TMEM132D: variants seen among roughly 807,000 people sequenced by gnomAD.
TMEM132D encodes the protein mature OL transmembrane protein.
A neutral mutation model predicts 62.3 loss-of-function variants in TMEM132D; 21 were observed. The ratio of observed to expected loss-of-function variants is 0.34; its 90% CI spans 0.24 to 0.49. The LOEUF (loss-of-function observed/expected upper bound fraction) is 0.49. Ranked by LOEUF, TMEM132D falls within the 20% of genes least tolerant of loss-of-function variation. The probability of loss-of-function intolerance (pLI) is 0.99; values close to 1 mark genes in which losing one functional copy is unlikely to be tolerated. For synonymous variants in TMEM132D, 621 were observed against 575.6 expected (o/e 1.08, Z -1.13); for missense variants, 1,346 against 1,402.8 (o/e 0.96, Z 0.65).
At chr12:129,175,153 C>A (rs1364135065) in intron 5 of TMEM132D, among the ~76,000 whole-genome samples, 1 of 152,130 alleles carries the variant, frequency 6.6e-6, no homozygotes, top group East Asian at 1.9e-4. Flanking sequence ...TTTGTCCATG[C>A]CTATGTCCTG....
intron 4 of TMEM132D, among the ~76,000 whole-genome samples, chr12:129,316,593 T>C (rs117880574): frequency 0.019 from 2,882 of 152,306 alleles, 46 homozygotes; most frequent in Non-Finnish European, 0.029. Flanking sequence ...GAAAGTTCCA[T>C]GCGCTGTTGA....
At chr12:129,706,678 T>C (rs1881514173) in intron 1 of TMEM132D, among the ~76,000 whole-genome samples, 1 of 151,960 alleles carries the variant, frequency 6.6e-6, no homozygotes. Context: ...TCATGGGACC[T>C]TCCCATAAAC....
At chr12:129,723,040 C>T (rs950313140) in intron 1 of TMEM132D, among the ~76,000 whole-genome samples, 72 of 152,084 alleles carry the variant, frequency 4.7e-4, no homozygotes, top group African/African-American at 1.6e-3. Context: ...CTGTGCCCGG[C>T]CGATCCTGGC....
At chr12:129,418,393 A>C (rs1040222005) in intron 3 of TMEM132D, among the ~76,000 whole-genome samples, 3 of 152,236 alleles carry the variant, frequency 2.0e-5, no homozygotes, top group African/African-American at 7.2e-5. Flanking sequence ...AAAAAGGATG[A>C]GTTCATGTCC....
intron 5 of TMEM132D, among the ~76,000 whole-genome samples, chr12:129,096,508 G>A (rs1455608432): frequency 1.3e-5 from 2 of 152,204 alleles, no homozygotes; most frequent in African/African-American, 2.4e-5. Flanking sequence ...TTTGGTGAAA[G>A]TGGCCAGACC....
In TMEM132D at chr12:129,176,089, G is replaced by A. The variant is rs189283339; in HGVS notation, c.1443+33431C>T. Among the ~76,000 whole-genome samples the A allele has an allele frequency of 1.7e-3, 256 of 152,266 alleles. 2 individuals carry two copies. In the Middle Eastern group the frequency reaches 0.034, roughly 20 times the overall value. ...GCCACTGAGGGGGCTTATGTTCAAG[G>A]ACCACGTTGCGTGGAACTAGACATC... On this transcript the variant is annotated intron_variant, in intron 5 of 8. Transcript: ENST00000422113.
At chr12:129,289,547 T>TAAAAAAAAAAAAAAAAAAAA (rs59709658) in intron 4 of TMEM132D, among the ~76,000 whole-genome samples, 9 of 91,938 alleles carry the variant, frequency 9.8e-5, no homozygotes, top group South Asian at 3.5e-4. Context: ...TCCATCTCAA[T>TAAAAAAAAAAAAAAAAAAAA]AAAAAAAAAA....
chr12:129,768,003 T>C (rs1008947428), intron 1 of TMEM132D, among the ~76,000 whole-genome samples: 3 of 152,130 alleles, frequency 2.0e-5, no homozygotes, highest in Non-Finnish European at 4.4e-5. Context: ...CATCAGATCT[T>C]GTAAGACTTA....
chr12:129,559,753 G>A (rs947264990), intron 2 of TMEM132D, among the ~76,000 whole-genome samples: 5 of 152,124 alleles, frequency 3.3e-5, no homozygotes, highest in African/African-American at 9.7e-5. Flanking sequence ...CAACTTGATA[G>A]AATCTTTAAT....
intron 2 of TMEM132D, among the ~76,000 whole-genome samples, chr12:129,573,127 G>A (rs143639335): frequency 9.9e-4 from 151 of 152,296 alleles, no homozygotes; most frequent in African/African-American, 3.3e-3. Context: ...TGACTGCACA[G>A]CCAGGGGCAG....
At chr12:129,720,454 A>G (rs1047747937) in intron 1 of TMEM132D, among the ~76,000 whole-genome samples, 5 of 152,238 alleles carry the variant, frequency 3.3e-5, no homozygotes, top group Non-Finnish European at 7.3e-5. Context: ...AAGTAATGCC[A>G]ACAATTTGCC....
chr12:129,809,049 T>C (rs988687726), intron 1 of TMEM132D, among the ~76,000 whole-genome samples: 1 of 152,184 alleles, frequency 6.6e-6, no homozygotes, highest in South Asian at 2.1e-4. Context: ...GGCTCACGCC[T>C]GTAATCCCAG....
At chr12:129,833,888 G>A (rs959063876) in intron 1 of TMEM132D, among the ~76,000 whole-genome samples, 3 of 152,054 alleles carry the variant, frequency 2.0e-5, no homozygotes, top group Non-Finnish European at 2.9e-5. Flanking sequence ...ATGCCTACAT[G>A]CCTAAAACTA....
chr12:129,183,282 C>T (rs949413960), intron 5 of TMEM132D, among the ~76,000 whole-genome samples: 5 of 152,232 alleles, frequency 3.3e-5, no homozygotes, highest in Admixed American at 1.3e-4. Flanking sequence ...AAGAGTCCTT[C>T]ATGTCACAGG....
intron 5 of TMEM132D, among the ~76,000 whole-genome samples, chr12:129,153,714 C>G (rs1285152635): frequency 6.6e-6 from 1 of 151,984 alleles, no homozygotes; most frequent in Non-Finnish European, 1.5e-5. Context: ...TTTGGGGTGC[C>G]TCCAGCAGTA....
chr12:129,320,168 T>C (rs750818825), intron 4 of TMEM132D, among the ~76,000 whole-genome samples: 5 of 152,166 alleles, frequency 3.3e-5, no homozygotes, highest in Non-Finnish European at 7.4e-5. Flanking sequence ...TCTGCTAAAG[T>C]CTAGTTCAAC....
rs370046232 is a variant in TMEM132D, at chr12:129,171,630, G to T, written c.1443+37890C>A. On this transcript the variant is annotated intron_variant, in intron 5 of 8. Transcript: ENST00000422113. ...CTTTTTGCTTTGTAGGCTGCAGAGT[G>T]GATGTTGTGTTGGCAGGTGTGAAAA... 2.0e-5 allele frequency among the ~76,000 whole-genome samples: 3 copies of T among 152,334 alleles called. No individual in the cohort carries two copies. In the East Asian group the frequency reaches 5.8e-4, roughly 29 times the overall value.
At chr12:129,768,790 C>G (rs1870637650) in intron 1 of TMEM132D, among the ~76,000 whole-genome samples, 2 of 152,154 alleles carry the variant, frequency 1.3e-5, no homozygotes, top group South Asian at 2.1e-4. Context: ...GCTGTTTACT[C>G]AAGCCACAAA....
intron 3 of TMEM132D, among the ~76,000 whole-genome samples, chr12:129,393,701 GAATA>G (rs1240323562): frequency 1.3e-5 from 2 of 152,118 alleles, no homozygotes; most frequent in Non-Finnish European, 2.9e-5. Flanking sequence ...TCATGAAGAT[GAATA>G]AATAAACTCC....
Sources: gnomAD v4.1 joint callset for allele counts (sites outside exome capture counted in the v4.1 genomes callset) on GRCh38, gnomAD v4.1.1 for gene constraint, MANE v1.5 for transcripts, NCBI Gene and HGNC (gene_info 2026-07-23, HGNC 2026-07-21) for gene names.